The following CSNK1G1 variants were observed in gnomAD, a reference collection of about 807,000 sequenced individuals.
The protein encoded by CSNK1G1 is casein kinase I isoform gamma-1.
Under a neutral mutation model 59.6 loss-of-function variants are expected in CSNK1G1, and 22 were observed. The observed-to-expected ratio is 0.37, with a 90% CI of 0.26 to 0.53. The LOEUF is 0.53. Among genes scored for constraint, CSNK1G1 ranks in the 20% least tolerant of loss-of-function variants. The pLI is 0.89. For synonymous variants in CSNK1G1, 179 were observed against 177.1 expected (o/e 1.01, Z -0.08); for missense variants, 384 against 519.5 (o/e 0.74, Z 2.54).
rs1049842399 is a variant in CSNK1G1 at position 64,329,170 on chromosome 15, G to A, written c.-225+26818C>T. Among the ~76,000 whole-genome samples, 1,284 of 151,984 alleles carry A rather than the reference G, an allele frequency of 8.4e-3. 21 individuals are homozygous for A. Among genetic ancestry groups the A allele is most frequent in the African/African-American group, 0.029 (1,190 of 41,416 alleles). Reference sequence around the variant, plus strand: ...AATTGAACTCAGCTCTGCACCAAGCGGACCTAACAGACATCTACAGAACTC... The same window carrying A: ...AATTGAACTCAGCTCTGCACCAAGCAGACCTAACAGACATCTACAGAACTC... On this transcript the variant is annotated intron_variant, in intron 1 of 11. Transcript: ENST00000303052.
chr15:64,205,339 G>A (rs1330973545), intron 7 of CSNK1G1, among the ~76,000 whole-genome samples: 1 of 152,140 alleles, frequency 6.6e-6, no homozygotes. Context: ...TAAAAGTACT[G>A]CTAATCCAGG....
At chr15:64,254,505 C>T (rs1207110854) in intron 3 of CSNK1G1, among the ~76,000 whole-genome samples, 1 of 152,042 alleles carries the variant, frequency 6.6e-6, no homozygotes, top group African/African-American at 2.4e-5. Context: ...GTATGCACCA[C>T]CACACCTGGC....
intron 11 of CSNK1G1, among the ~76,000 whole-genome samples, chr15:64,174,341 A>C (rs1368434670): frequency 6.6e-6 from 1 of 152,214 alleles, no homozygotes; most frequent in African/African-American, 2.4e-5. Context: ...AGAGCCCTGG[A>C]TTTATCTTTG....
intron 1 of CSNK1G1, among the ~76,000 whole-genome samples, chr15:64,309,340 AC>A (rs1895864731): frequency 6.6e-6 from 1 of 151,114 alleles, no homozygotes; most frequent in Non-Finnish European, 1.5e-5. Flanking sequence ...ACACACACAC[AC>A]ACACACACAC....
intron 4 of CSNK1G1, among the ~76,000 whole-genome samples, chr15:64,232,943 G>A (rs1208033212): frequency 2.0e-5 from 3 of 152,162 alleles, no homozygotes; most frequent in African/African-American, 7.2e-5. Flanking sequence ...AGCTCCCACT[G>A]ACAGGTTTTG....
chr15:64,252,551 ATATG>A (rs1892148943), intron 3 of CSNK1G1, among the ~76,000 whole-genome samples: 2 of 152,102 alleles, frequency 1.3e-5, no homozygotes, highest in African/African-American at 4.8e-5. Flanking sequence ...CTGTATGTGG[ATATG>A]TATTTATGTA....
chr15:64,254,053 T>C (rs902462520), intron 3 of CSNK1G1, among the ~76,000 whole-genome samples: 1 of 152,086 alleles, frequency 6.6e-6, no homozygotes, highest in African/African-American at 2.4e-5. Context: ...GGCAGGAGAA[T>C]TGCTTGAACC....
chr15:64,220,329 A>C (rs1306846012), intron 4 of CSNK1G1, among the ~76,000 whole-genome samples: 2 of 151,848 alleles, frequency 1.3e-5, no homozygotes, highest in Non-Finnish European at 2.9e-5. Context: ...TCCTGACCTC[A>C]AGTGATCCAC....
chr15:64,246,413 A>G (rs976757137), intron 4 of CSNK1G1, among the ~76,000 whole-genome samples: 3 of 152,130 alleles, frequency 2.0e-5, no homozygotes, highest in Non-Finnish European at 4.4e-5. Flanking sequence ...CCTGGGGCCA[A>G]GAGTTCAAGA....
At chr15:64,299,546 C>T (rs113922470) in intron 2 of CSNK1G1, among the ~76,000 whole-genome samples, 6,232 of 151,370 alleles carry the variant, frequency 0.041, 396 homozygotes, top group African/African-American at 0.14. Context: ...GAGCCGAGAT[C>T]GCGCCACTGC....
At chr15:64,195,975 A>T (rs1450443254) in intron 10 of CSNK1G1, among the ~76,000 whole-genome samples, 1 of 152,202 alleles carries the variant, frequency 6.6e-6, no homozygotes, top group Non-Finnish European at 1.5e-5. Flanking sequence ...CACACTTGTA[A>T]TCCCCGTTAC....
intron 4 of CSNK1G1, among the ~76,000 whole-genome samples, chr15:64,228,597 C>G (rs942498779): frequency 3.3e-5 from 5 of 152,126 alleles, no homozygotes; most frequent in African/African-American, 1.2e-4. Context: ...GATCATGCCA[C>G]TGTACTCCAG....
At chr15:64,175,220 T>C (rs1358245843) in intron 11 of CSNK1G1, among the ~76,000 whole-genome samples, 1 of 152,132 alleles carries the variant, frequency 6.6e-6, no homozygotes, top group Non-Finnish European at 1.5e-5. Flanking sequence ...ACCCAGTTGT[T>C]TTCTTTAATA....
rs752087914 is a variant in CSNK1G1 at position 64,180,390 on chromosome 15, G to A, written c.1172C>T (p.Pro391Leu). Reference sequence around the variant, plus strand: ...CTCCACCTCGGCATGAGCTGTGATTGGTGCATTGGAGTGGGCTCCCGTGGG... The same window carrying A: ...CTCCACCTCGGCATGAGCTGTGATTAGTGCATTGGAGTGGGCTCCCGTGGG... ...DDPTGAHSNA[P>L]ITAHAEVEVV... Residue 391 changes from proline to leucine, a missense_variant, in exon 11 of 12, where the codon CCA becomes CTA. Pro to Leu is a moderately conservative substitution (Grantham distance 98). This residue lies in a region of CSNK1G1 where 325 missense variants were observed against 440.9 expected (regional missense o/e 0.74). Coordinates refer to ENST00000303052, the MANE Select transcript of CSNK1G1 (RefSeq NM_022048.5). 20 of 1,614,040 alleles carry A rather than the reference G, an allele frequency of 1.2e-5. No individual in the cohort carries two copies. Among genetic ancestry groups the A allele is most frequent in the Non-Finnish European group, 1.6e-5 (19 of 1,180,018 alleles).
chr15:64,220,142 C>T lies in CSNK1G1; in HGVS notation c.293-3429G>A, dbSNP rs550703805. Among the ~76,000 whole-genome samples, 25 of 150,710 alleles carry T rather than the reference C, an allele frequency of 1.7e-4. 1 individual carries two copies. The East Asian group carries it at 3.9e-3, about 24-fold the overall frequency. Reference sequence around the variant, plus strand: ...CAGAGTCTTGCTCTGTTGCTCAGGCCGGAATGCAGTGGCGTGGTCTCAGCT... The same window carrying T: ...CAGAGTCTTGCTCTGTTGCTCAGGCTGGAATGCAGTGGCGTGGTCTCAGCT... On this transcript the variant is annotated intron_variant, in intron 4 of 11. Transcript: ENST00000303052.
chr15:64,206,960 G>A (rs904477388), intron 7 of CSNK1G1, among the ~76,000 whole-genome samples: 1 of 152,166 alleles, frequency 6.6e-6, no homozygotes, highest in Non-Finnish European at 1.5e-5. Context: ...GGTAAAATGT[G>A]TAGCAGCTGT....
At position 64,203,568 on chromosome 15, in the gene CSNK1G1, G is replaced by A. The variant is rs575147488; in HGVS notation, c.1000-379C>T. ...CAAAATTAGTCAGGTGTGGCAGCGC[G>A]TGCCTGTGATCCCAGCTACTCGGGA... On this transcript the variant is annotated intron_variant, in intron 9 of 11. Transcript: ENST00000303052. Among the ~76,000 whole-genome samples, 479 of 151,878 alleles carry A rather than the reference G, an allele frequency of 3.2e-3. 4 individuals carry two copies. Among genetic ancestry groups the A allele is most frequent in the South Asian group, 6.2e-3 (30 of 4,812 alleles).
chr15:64,211,656 T>G (rs1262621089), intron 6 of CSNK1G1, among the ~76,000 whole-genome samples: 1 of 152,220 alleles, frequency 6.6e-6, no homozygotes, highest in African/African-American at 2.4e-5. Context: ...ACATACATTA[T>G]CTCATAGAAC....
chr15:64,304,247 G>A (rs574793250), intron 1 of CSNK1G1, among the ~76,000 whole-genome samples: 5 of 151,732 alleles, frequency 3.3e-5, no homozygotes, highest in Admixed American at 1.3e-4. Flanking sequence ...AAAAATTATG[G>A]TGGTAGGCGC....
Sources: allele counts gnomAD v4.1 joint callset (sites outside exome capture counted in the v4.1 genomes callset), GRCh38; gene constraint gnomAD v4.1.1; regional missense constraint gnomAD v4.1.1; transcripts MANE v1.5; gene names NCBI Gene and HGNC (gene_info 2026-07-23, HGNC 2026-07-21).